Variants in EXOC2 observed in about 807,000 individuals in gnomAD.
EXOC2 encodes the protein exocyst complex component 2, also known as SEC5-like 1.
EXOC2 carries 70 observed loss-of-function variants against 131.8 expected under a neutral mutation model. The ratio of observed to expected loss-of-function variants is 0.53; its 90% CI spans 0.44 to 0.65. The LOEUF (loss-of-function observed/expected upper bound fraction) is 0.65, where lower values mean the gene tolerates loss of function less well. EXOC2 is among the 30% of genes least tolerant of loss of function. The pLI is 0.00. For synonymous variants in EXOC2, 411 were observed against 398.4 expected (o/e 1.03, Z -0.38); for missense variants, 923 against 1,108.6 (o/e 0.83, Z 2.38).
chr6:503,498 TG>T (rs1764348468), intron 23 of EXOC2, among the ~76,000 whole-genome samples: 1 of 152,242 alleles, frequency 6.6e-6, no homozygotes, highest in African/African-American at 2.4e-5. Flanking sequence ...CCTGATGATG[TG>T]GTATTTATTT....
intron 1 of EXOC2, among the ~76,000 whole-genome samples, chr6:658,863 T>C (rs764019732): frequency 1.3e-5 from 2 of 151,904 alleles, no homozygotes; most frequent in Admixed American, 6.6e-5. Flanking sequence ...GGTTTCACCA[T>C]GTTGGCCAGG....
intron 27 of EXOC2, among the ~76,000 whole-genome samples, chr6:487,596 G>A (rs375664700): frequency 3.9e-5 from 6 of 152,030 alleles, no homozygotes; most frequent in East Asian, 3.9e-4. Flanking sequence ...TAGTAGAGAC[G>A]GGGTTTTACC....
chr6:589,141 C>T (rs1279420803), intron 11 of EXOC2, among the ~76,000 whole-genome samples: 1 of 152,234 alleles, frequency 6.6e-6, no homozygotes, highest in South Asian at 2.1e-4. Context: ...ACCACATATC[C>T]TATCTGTATC....
chr6:544,624 C>G (rs560246128), intron 22 of EXOC2, among the ~76,000 whole-genome samples: 1 of 152,274 alleles, frequency 6.6e-6, no homozygotes, highest in African/African-American at 2.4e-5. Context: ...AGACACAAAA[C>G]TGTACTCACT....
chr6:675,444 T>C (rs1420955196), intron 1 of EXOC2, among the ~76,000 whole-genome samples: 1 of 152,218 alleles, frequency 6.6e-6, no homozygotes, highest in Non-Finnish European at 1.5e-5. Flanking sequence ...CAGGAGTACA[T>C]GAAGAGACGT....
At chr6:622,734 G>A (rs1761356270) in intron 4 of EXOC2, among the ~76,000 whole-genome samples, 1 of 152,140 alleles carries the variant, frequency 6.6e-6, no homozygotes, top group African/African-American at 2.4e-5. Flanking sequence ...TACAGAAAAG[G>A]CTCTGTCCTA....
chr6:561,832 T>A (rs1757714549), intron 17 of EXOC2, among the ~76,000 whole-genome samples: 1 of 152,200 alleles, frequency 6.6e-6, no homozygotes. Flanking sequence ...TCCGCCCACC[T>A]CGGCCTCCAA....
chr6:485,445 A>T lies in EXOC2; in HGVS notation c.*1226T>A, dbSNP rs1581268231. 6.6e-6 allele frequency: 1 copy of T among 152,238 alleles called. No individual in the cohort carries two copies. The highest frequency in any genetic ancestry group is 1.9e-4 in the East Asian group (1 of 5,202). The allele number at this position is 152,238 out of a possible 1,614,324, so 9.4% of individuals were successfully genotyped here. A position where few individuals can be genotyped will look rare whatever the true frequency, so the allele number is the denominator to read the frequency against. On this transcript the variant is annotated 3_prime_UTR_variant, in exon 28 of 28. Transcript: ENST00000230449. ...CTGTGCTCTAAAATTACTTGCATTA[A>T]TGAGGACATTAATTTTAGCATTTAA...
intron 23 of EXOC2, among the ~76,000 whole-genome samples, chr6:528,562 A>G (rs1428288874): frequency 6.6e-6 from 1 of 152,086 alleles, no homozygotes; most frequent in Non-Finnish European, 1.5e-5. Context: ...TGACTTCTAC[A>G]TGTTTTTGGA....
At chr6:553,729 A>G (rs1757270232) in intron 21 of EXOC2, 125 bp downstream of exon 21, 4 of 706,208 alleles carry the variant, frequency 5.7e-6, no homozygotes, top group Admixed American at 5.1e-5. Context: ...ATAGAGCTCC[A>G]AAGCACAGCA....
intron 22 of EXOC2, among the ~76,000 whole-genome samples, chr6:545,101 T>C (rs1756769288): frequency 7.1e-6 from 1 of 140,592 alleles, no homozygotes; most frequent in Admixed American, 7.6e-5. Context: ...GAGCCGAGAT[T>C]GCGCCACTGC....
chr6:617,461 T>A (rs915485241), intron 6 of EXOC2, among the ~76,000 whole-genome samples: 2 of 152,248 alleles, frequency 1.3e-5, no homozygotes, highest in Admixed American at 6.5e-5. Flanking sequence ...AGTGTGGACA[T>A]CACAGAGAGT....
At chr6:646,144 T>A (rs1329947651) in intron 1 of EXOC2, among the ~76,000 whole-genome samples, 1 of 152,212 alleles carries the variant, frequency 6.6e-6, no homozygotes, top group Non-Finnish European at 1.5e-5. Context: ...GCTCCTCATG[T>A]TTGTCTGTTT....
At chr6:676,070 C>T (rs74918366) in intron 1 of EXOC2, among the ~76,000 whole-genome samples, 2 of 88,378 alleles carry the variant, frequency 2.3e-5, no homozygotes, top group Non-Finnish European at 4.9e-5. Context: ...GGACAGGTTC[C>T]TCTGGCGACT....
intron 23 of EXOC2, among the ~76,000 whole-genome samples, chr6:516,120 T>A (rs1233653766): frequency 7.2e-5 from 11 of 152,168 alleles, no homozygotes. Context: ...GCTACTCCAG[T>A]GCACTCCACC....
At chr6:568,668 T>TC in intron 13 of EXOC2, among the ~76,000 whole-genome samples, 1 of 152,210 alleles carries the variant, frequency 6.6e-6, no homozygotes, top group Non-Finnish European at 1.5e-5. Flanking sequence ...GCAAGAGTCT[T>TC]GACTGTCAAA....
chr6:538,914 A>C lies in EXOC2; in HGVS notation c.2239-6304T>G, dbSNP rs907576118. On this transcript the variant is annotated intron_variant, in intron 22 of 27. Coordinates refer to ENST00000230449, the MANE Select transcript of EXOC2 (RefSeq NM_018303.6). ...TGGTGAAACCCTGTCTCTACTAAAA[A>C]TACGAAAATTAGCCGGCTGTGGTGA... Among the ~76,000 whole-genome samples, 3 of 152,086 alleles carry C rather than the reference A, an allele frequency of 2.0e-5. No individual in the cohort carries two copies. The East Asian group carries it at 5.8e-4, about 29-fold the overall frequency.
At chr6:502,523 C>G (rs953926681) in intron 23 of EXOC2, among the ~76,000 whole-genome samples, 1 of 152,104 alleles carries the variant, frequency 6.6e-6, no homozygotes, top group Non-Finnish European at 1.5e-5. Context: ...TGGCAAGAAC[C>G]CACCCGCCTA....
chr6:628,631 A>G (rs1280504140), intron 4 of EXOC2, among the ~76,000 whole-genome samples: 1 of 152,200 alleles, frequency 6.6e-6, no homozygotes, highest in Non-Finnish European at 1.5e-5. Flanking sequence ...TTGCCCATGT[A>G]TAAAACTGGC....
Sources: gnomAD v4.1 joint callset for allele counts (sites outside exome capture counted in the v4.1 genomes callset) on GRCh38, gnomAD v4.1.1 for gene constraint, MANE v1.5 for transcripts, NCBI Gene and HGNC (gene_info 2026-07-23, HGNC 2026-07-21) for gene names.